PKD1L1: variants seen among roughly 807,000 people sequenced by gnomAD.
PKD1L1 encodes the protein polycystin-1-like protein 1.
A neutral mutation model predicts 323.4 loss-of-function variants in PKD1L1; 236 were observed. The observed-to-expected ratio is 0.73, with a 90% CI of 0.66 to 0.81. The LOEUF is 0.81. Among genes scored for constraint, PKD1L1 ranks in the 40% least tolerant of loss-of-function variants. PKD1L1 has a pLI of 0.00. For synonymous variants in PKD1L1, 1,344 were observed against 1,335.0 expected (o/e 1.01, Z -0.15); for missense variants, 3,320 against 3,508.0 (o/e 0.95, Z 1.35).
Position 47,815,418 on chromosome 7 carries a change from A to G in PKD1L1, c.7005T>C (p.Ala2335=). ...RNCLGGLRNI[A]DWWDWSLTTL... Reference sequence around the variant, plus strand: ...TGGTCAGACTCCAGTCCCACCAGTCAGCGATGTTTCTCAGGCCACCCAAGC... The same window carrying G: ...TGGTCAGACTCCAGTCCCACCAGTCGGCGATGTTTCTCAGGCCACCCAAGC... Residue 2335 remains alanine, a synonymous_variant, in exon 47 of 57, where the codon GCT becomes GCC. Transcript: ENST00000289672. The G allele has an allele frequency of 6.2e-7, 1 of 1,614,132 alleles. No individual in the cohort carries two copies. The highest frequency in any genetic ancestry group is 1.1e-5 in the South Asian group (1 of 91,078).
At chr7:47,850,142 C>G (rs1412294287) in intron 31 of PKD1L1, among the ~76,000 whole-genome samples, 1 of 152,060 alleles carries the variant, frequency 6.6e-6, no homozygotes, top group Non-Finnish European at 1.5e-5. Context: ...AACCAAAAAC[C>G]ACCTGTTCCC....
intron 8 of PKD1L1, among the ~76,000 whole-genome samples, chr7:47,914,639 A>G (rs1787390424): frequency 6.6e-6 from 1 of 152,106 alleles, no homozygotes; most frequent in Non-Finnish European, 1.5e-5. Flanking sequence ...GATCACCCAG[A>G]ATCCTGATCC....
In PKD1L1 at chr7:47,792,618, TGG is replaced by T; in HGVS notation, c.8526+7_8526+8del. ...GAAAATTGACATAAATAATTTTGCATGGTCTTACCTCAGCAGCTTGGTAACTA... is the reference window on the plus strand; with the variant it reads ...GAAAATTGACATAAATAATTTTGCATTCTTACCTCAGCAGCTTGGTAACTA... On this transcript the variant is annotated splice_region_variant and intron_variant, in intron 56 of 56. Coordinates refer to ENST00000289672, the MANE Select transcript of PKD1L1 (RefSeq NM_138295.5). 6.3e-7 allele frequency: 1 copy of T among 1,575,140 alleles called. No individual in the cohort carries two copies. The highest frequency in any genetic ancestry group is 1.2e-5 in the South Asian group (1 of 86,250).
chr7:47,777,317 C>G (rs1186191556), intron 56 of PKD1L1, among the ~76,000 whole-genome samples: 4 of 152,154 alleles, frequency 2.6e-5, no homozygotes, highest in Non-Finnish European at 5.9e-5. Context: ...AAAAAGTTTC[C>G]TCATATCTAA....
intron 40 of PKD1L1, among the ~76,000 whole-genome samples, chr7:47,833,572 G>A (rs1446054342): frequency 6.6e-6 from 1 of 152,148 alleles, no homozygotes; most frequent in Non-Finnish European, 1.5e-5. Context: ...CAAGAGCAAC[G>A]GGTTGAACAA....
intron 24 of PKD1L1, among the ~76,000 whole-genome samples, chr7:47,872,929 T>A (rs1189729458): frequency 6.6e-6 from 1 of 152,078 alleles, no homozygotes; most frequent in Non-Finnish European, 1.5e-5. Flanking sequence ...ATCAACTAAT[T>A]AATGAATAAA....
intron 7 of PKD1L1, among the ~76,000 whole-genome samples, chr7:47,917,452 C>A (rs1787453479): frequency 6.6e-6 from 1 of 152,096 alleles, no homozygotes; most frequent in African/African-American, 2.4e-5. Context: ...GCTAGAGACC[C>A]AGACATCCAA....
At chr7:47,877,091 G>A (rs2348656) in intron 22 of PKD1L1, among the ~76,000 whole-genome samples, 55,087 of 151,776 alleles carry the variant, frequency 0.36, 11,373 homozygotes, top group African/African-American at 0.57. Flanking sequence ...CCAGAGAAAG[G>A]GTGAGGGTAA....
intron 26 of PKD1L1, among the ~76,000 whole-genome samples, chr7:47,862,583 GA>G: frequency 6.6e-6 from 1 of 152,312 alleles, no homozygotes; most frequent in East Asian, 1.9e-4. Flanking sequence ...TTGCTGTTGT[GA>G]AAATATTGAA....
chr7:47,889,293 C>A (rs1054888471), intron 16 of PKD1L1, among the ~76,000 whole-genome samples: 3 of 152,154 alleles, frequency 2.0e-5, no homozygotes, highest in African/African-American at 7.2e-5. Flanking sequence ...AAAATAAATT[C>A]TGTAATTATC....
At position 47,839,445 on chromosome 7, in the gene PKD1L1, C is replaced by G. The variant is rs1359268734; in HGVS notation, c.5769+1G>C. The G allele has an allele frequency of 6.2e-7, 1 of 1,604,426 alleles. No homozygotes were observed. The highest frequency in any genetic ancestry group is 1.7e-5 in the Admixed American group (1 of 59,460). Reference sequence around the variant, plus strand: ...CGAGAGGCCACCTGGAGGGAGCCTACCTTCCGGAAGCCGAGTCCCCCTTGC... The same window carrying G: ...CGAGAGGCCACCTGGAGGGAGCCTAGCTTCCGGAAGCCGAGTCCCCCTTGC... On this transcript the variant is annotated splice_donor_variant, in intron 36 of 56. Transcript: ENST00000289672. LOFTEE classifies it high-confidence loss of function. The surrounding 1 kb of genome is among the most constrained non-coding windows in gnomAD (Gnocchi z 4.3).
rs1785133464 is a variant in PKD1L1, at chr7:47,821,199, T to G, written c.6855-13A>C. 4.3e-6 allele frequency: 6 copies of G among 1,397,760 alleles called. No homozygotes were observed. Among genetic ancestry groups the G allele is most frequent in the African/African-American group, 1.6e-5 (1 of 62,318 alleles). 86.6% of individuals were successfully genotyped at this position (1,397,760 alleles called of 1,614,324 possible). On this transcript the variant is annotated splice_polypyrimidine_tract_variant and intron_variant, in intron 45 of 56. Transcript: ENST00000289672. ...CATGGAAATGTCTCTGTAAGAAGAG[T>G]TTTTAAGTTAGCATCCATACAGACC...
intron 5 of PKD1L1, 104 bp from the exon 6 acceptor site, chr7:47,931,425 T>C (rs951527424): frequency 2.5e-6 from 3 of 1,215,684 alleles, no homozygotes; most frequent in Admixed American, 2.1e-5. Flanking sequence ...ACAGCCCCAC[T>C]GCTACTGAGG....
rs922946006 is a variant in PKD1L1 at position 47,854,985 on chromosome 7, G to A, written c.4756C>T (p.His1586Tyr). The change falls in exon 30 of 57, where the codon CAT (histidine) becomes TAT (tyrosine). Residue 1586 changes from histidine (H) to tyrosine (Y), a missense_variant. Physicochemically the swap from His to Tyr is moderately conservative, Grantham distance 83 (BLOSUM62 2). Coordinates refer to ENST00000289672, the MANE Select transcript of PKD1L1 (RefSeq NM_138295.5). Reference sequence around the variant, plus strand: ...TTTTCGGAAAGCTCAGTGAACTGATGGAGATTCACTTTATCCCGAAGTAAT... The same window carrying A: ...TTTTCGGAAAGCTCAGTGAACTGATAGAGATTCACTTTATCCCGAAGTAAT... ...FVLLRDKVNL[H>Y]QFTELSENPQ... 1 of 1,613,854 alleles carries A rather than the reference G, an allele frequency of 6.2e-7. No individual in the cohort carries two copies. The highest frequency in any genetic ancestry group is 1.7e-5 in the Admixed American group (1 of 59,986).
At position 47,831,453 on chromosome 7, in the gene PKD1L1, C is replaced by T. The variant is rs573313856; in HGVS notation, c.6338-101G>A. The T allele has an allele frequency of 2.4e-5, 35 of 1,428,798 alleles. No individual in the cohort carries two copies. The African/African-American group carries it at 3.0e-4, about 12-fold the overall frequency. The allele number at this position is 1,428,798 out of a possible 1,614,324, so 88.5% of individuals were successfully genotyped here. On this transcript the variant is annotated intron_variant, in intron 41 of 56. Coordinates refer to ENST00000289672, the MANE Select transcript of PKD1L1 (RefSeq NM_138295.5). ...ATCTTAGGTGTCAACTAGGCTGGGT[C>T]GTAGGGTGCCCAGGCATTTGGTTAA...
At chr7:47,957,018 G>A in the PKD1L1 span, 1 of 153,024 alleles carries the variant, frequency 6.5e-6, no homozygotes, top group Non-Finnish European at 1.5e-5. Context: ...CTGAATTAAA[G>A]CTATTCAAGA....
chr7:47,803,439 G>T, intron 52 of PKD1L1, 95 bp from the exon 53 acceptor site: 1 of 1,429,476 alleles, frequency 7.0e-7, no homozygotes, highest in Non-Finnish European at 9.6e-7. Context: ...AGAGTTCATT[G>T]GATTTGATGA....
chr7:47,809,322 A>T, intron 51 of PKD1L1, 151 bp downstream of exon 51: 1 of 601,550 alleles, frequency 1.7e-6, no homozygotes, highest in Non-Finnish European at 2.8e-6. Flanking sequence ...CTGATCTCAA[A>T]TGCTGTTTTG....
chr7:47,785,673 T>C, intron 56 of PKD1L1, among the ~76,000 whole-genome samples: 1 of 152,038 alleles, frequency 6.6e-6, no homozygotes, highest in East Asian at 1.9e-4. Flanking sequence ...CCTCCATGTT[T>C]ATCAGCAGGA....
Sources: allele counts gnomAD v4.1 joint callset (sites outside exome capture counted in the v4.1 genomes callset), GRCh38; gene constraint gnomAD v4.1.1; non-coding constraint Gnocchi (gnomAD v3.1); transcripts MANE v1.5; gene names NCBI Gene and HGNC (gene_info 2026-07-23, HGNC 2026-07-21).